The following AZIN2 variants were observed in gnomAD, a reference collection of about 807,000 sequenced individuals.
AZIN2 encodes the protein ODC antizyme inhibitor-2.
Under a neutral mutation model 47.8 loss-of-function variants are expected in AZIN2, and 28 were observed. The observed-to-expected ratio is 0.59, with a 90% CI of 0.43 to 0.80. The LOEUF (loss-of-function observed/expected upper bound fraction) is 0.80. Ranked by LOEUF, AZIN2 falls within the 30% of genes least tolerant of loss-of-function variation. AZIN2 has a pLI of 0.00. For synonymous variants in AZIN2, 221 were observed against 239.4 expected (o/e 0.92, Z 0.71); for missense variants, 535 against 582.5 (o/e 0.92, Z 0.84).
intron 5 of AZIN2, among the ~76,000 whole-genome samples, chr1:33,084,382 A>T (rs1205694998): frequency 6.6e-6 from 1 of 152,222 alleles, no homozygotes; most frequent in Non-Finnish European, 1.5e-5. Context: ...GGAGATTTGC[A>T]AATTTGTTTG....
At chr1:33,118,199 C>G in intron 11 of AZIN2, 83 bp downstream of exon 11, 1 of 1,390,706 alleles carries the variant, frequency 7.2e-7, no homozygotes, top group Non-Finnish European at 9.6e-7. Context: ...GATTCTGCTT[C>G]TGTGTAATCC....
chr1:33,165,450 C>T, the AZIN2 span: 1 of 1,567,428 alleles, frequency 6.4e-7, no homozygotes, highest in East Asian at 2.4e-5. This position sits in a 1 kb window ranked among gnomAD's most constrained non-coding sequence, Gnocchi z 4.0. Context: ...GGCCCCACCT[C>T]CGCGCCCCGG....
chr1:33,165,288 A>G, the AZIN2 span: 7 of 540,528 alleles, frequency 1.3e-5, no homozygotes, highest in South Asian at 9.3e-5. The surrounding 1 kb of genome is among the most constrained non-coding windows in gnomAD (Gnocchi z 4.0). Context: ...GTGCCGCCCC[A>G]TTGAACTTCA....
the AZIN2 span, chr1:33,159,898 C>T: frequency 3.6e-5 from 58 of 1,610,078 alleles, no homozygotes; most frequent in Admixed American, 1.2e-4. The surrounding 1 kb of genome is among the most constrained non-coding windows in gnomAD (Gnocchi z 4.2). Flanking sequence ...CCGGTGCAGC[C>T]GCTCGAAGGC....
At chr1:33,136,424 A>C in the AZIN2 span, among the ~76,000 whole-genome samples, 19 of 149,208 alleles carry the variant, frequency 1.3e-4, no homozygotes, top group Admixed American at 8.1e-4. Context: ...GCTGGAGTGC[A>C]GTGGCACAAT....
rs769788339 is a variant in AZIN2, at chr1:33,117,999, T to G, written c.1127T>G (p.Leu376Arg). ...CVAEGLWLPQLHVGDWLVFDN... is the reference protein window; with the variant it reads ...CVAEGLWLPQRHVGDWLVFDN... ...GCTGAGGGCCTGTGGCTGCCGCAAC[T>G]ACACGTAGGGGACTGGCTGGTCTTT... Residue 376 changes from leucine (L) to arginine (R), a missense_variant, in exon 11 of 12, where the codon CTA becomes CGA. By Grantham distance (102) the Leu-to-Arg change is moderately radical (BLOSUM62 -2). This residue lies in a region of AZIN2 where 122 missense variants were observed against 135.8 expected (regional missense o/e 0.90). Transcript: ENST00000294517. The G allele has an allele frequency of 5.6e-6, 9 of 1,607,352 alleles. No homozygotes were observed.
At chr1:33,105,099 T>C (rs920964319) in intron 10 of AZIN2, among the ~76,000 whole-genome samples, 9 of 152,198 alleles carry the variant, frequency 5.9e-5, no homozygotes, top group Non-Finnish European at 1.2e-4. Flanking sequence ...AAGGTGTTTT[T>C]GTTAATATAC....
At chr1:33,158,310 A>G in the AZIN2 span, 1 of 1,614,006 alleles carries the variant, frequency 6.2e-7, no homozygotes, top group Non-Finnish European at 8.5e-7. Context: ...GGGCCTGTGT[A>G]CTTGGAGGTC....
At chr1:33,152,573 GAAAAAA>G in the AZIN2 span, among the ~76,000 whole-genome samples, 6 of 102,824 alleles carry the variant, frequency 5.8e-5, no homozygotes, top group Non-Finnish European at 1.2e-4. Flanking sequence ...GTCTCAAAAA[GAAAAAA>G]AAAAAAAAAA....
Position 33,082,279 on chromosome 1 carries a change from T to C in AZIN2, c.30T>C (p.Phe10=), listed in dbSNP as rs749590804. ...CTGGCTACCTGAGTGAATCGGACTT[T>C]GTGATGGTGGAGGAGGGCTTCAGTA... is the stretch of plus-strand genomic sequence containing the variant. MAGYLSESD[F]VMVEEGFSTR... Residue 10 remains phenylalanine (F), a synonymous_variant, in exon 4 of 12, where the codon TTT becomes TTC. Coordinates refer to ENST00000294517, the MANE Select transcript of AZIN2 (RefSeq NM_052998.4). The C allele has an allele frequency of 4.3e-6, 7 of 1,614,048 alleles. No homozygotes were observed. In the South Asian group the frequency reaches 7.7e-5, roughly 18 times the overall value.
At chr1:33,125,010 A>T (rs965664461), downstream of AZIN2, among the ~76,000 whole-genome samples, 5 of 152,206 alleles carry the variant, frequency 3.3e-5, no homozygotes, top group Non-Finnish European at 5.9e-5. Flanking sequence ...TAGCAGCATG[A>T]TTTATAATCC....
intron 10 of AZIN2, among the ~76,000 whole-genome samples, chr1:33,109,902 C>T (rs1035510143): frequency 2.0e-5 from 3 of 152,094 alleles, no homozygotes; most frequent in African/African-American, 4.8e-5. Flanking sequence ...TAAATGGCAA[C>T]CTAATTCTGA....
intron 10 of AZIN2, among the ~76,000 whole-genome samples, chr1:33,108,284 A>C (rs1204831841): frequency 1.3e-5 from 2 of 152,188 alleles, no homozygotes; most frequent in African/African-American, 4.8e-5. Context: ...ATATAGAAGA[A>C]TAAAATTGGA....
At chr1:33,117,787 C>A in intron 10 of AZIN2, 115 bp from the exon 11 acceptor site, 1 of 1,140,350 alleles carries the variant, frequency 8.8e-7, no homozygotes, top group Non-Finnish European at 1.3e-6. Context: ...AGCTAGGAGG[C>A]CCATCTAGAC....
intron 10 of AZIN2, among the ~76,000 whole-genome samples, chr1:33,112,378 A>G (rs965839640): frequency 2.0e-5 from 3 of 152,246 alleles, no homozygotes; most frequent in Non-Finnish European, 4.4e-5. Context: ...GCAGGGTAGC[A>G]GAAACATAAA....
At position 33,081,412 on chromosome 1, in the gene AZIN2, C is replaced by G. The variant is rs1641233485; in HGVS notation, c.-381C>G. ...GCAGAGGCCTCGGCTCCGCAACTGCCACTCCTCCTCGGGGTGTTGCACAAG... is the reference window on the plus strand; with the variant it reads ...GCAGAGGCCTCGGCTCCGCAACTGCGACTCCTCCTCGGGGTGTTGCACAAG... On this transcript the variant is annotated 5_prime_UTR_variant, in exon 2 of 12. Transcript: ENST00000294517. The surrounding 1 kb of genome is among the most constrained non-coding windows in gnomAD (Gnocchi z 4.2). 1 of 153,006 alleles carries G rather than the reference C, an allele frequency of 6.5e-6. No individual in the cohort carries two copies. The highest frequency in any genetic ancestry group is 1.5e-5 in the Non-Finnish European group (1 of 68,322). The allele number at this position is 153,006 out of a possible 1,614,324, so 9.5% of individuals were successfully genotyped here.
intron 8 of AZIN2, among the ~76,000 whole-genome samples, chr1:33,095,821 C>A (rs912578844): frequency 3.3e-5 from 5 of 152,058 alleles, no homozygotes; most frequent in South Asian, 2.1e-4. Context: ...TGTATTCTTA[C>A]AATAAAGTAA....
At chr1:33,099,812 A>G (rs1183311844) in intron 10 of AZIN2, among the ~76,000 whole-genome samples, 1 of 152,240 alleles carries the variant, frequency 6.6e-6, no homozygotes. Flanking sequence ...TGGGGCCCAC[A>G]GCCTGGCGGT....
At position 33,117,992 on chromosome 1, in the gene AZIN2, C is replaced by A. The variant is rs768271929; in HGVS notation, c.1120C>A (p.Pro374Thr). Residue 374 changes from proline (P) to threonine (T), a missense_variant, in exon 11 of 12, where the codon CCG becomes ACG. Around this residue, in one of 3 missense-constraint regions of AZIN2, gnomAD observed 122 missense variants for 135.8 expected, o/e 0.90. Transcript: ENST00000294517. Reference protein sequence around the residue: ...CDCVAEGLWLPQLHVGDWLVF... With the variant: ...CDCVAEGLWLTQLHVGDWLVF... ...TTGCGTGGCTGAGGGCCTGTGGCTG[C>A]CGCAACTACACGTAGGGGACTGGCT... The A allele has an allele frequency of 6.2e-7, 1 of 1,609,406 alleles. No homozygotes were observed. The highest frequency in any genetic ancestry group is 1.7e-5 in the Admixed American group (1 of 59,446).
Sources: allele counts gnomAD v4.1 joint callset (sites outside exome capture counted in the v4.1 genomes callset), GRCh38; gene constraint gnomAD v4.1.1; regional missense constraint gnomAD v4.1.1; non-coding constraint Gnocchi (gnomAD v3.1); transcripts MANE v1.5; gene names NCBI Gene and HGNC (gene_info 2026-07-23, HGNC 2026-07-21).